PDE1A: variants seen among roughly 807,000 people sequenced by gnomAD.
PDE1A encodes dual specificity calcium/calmodulin-dependent 3',5'-cyclic nucleotide phosphodiesterase 1A.
A neutral mutation model predicts 61.7 loss-of-function variants in PDE1A; 35 were observed. The observed-to-expected ratio is 0.57, with a 90% CI of 0.43 to 0.75. The LOEUF is 0.75. Among genes scored for constraint, PDE1A ranks in the 30% least tolerant of loss-of-function variants. PDE1A has a pLI of 0.00. For synonymous variants in PDE1A, 232 were observed against 213.2 expected, an observed-to-expected ratio of 1.09 and a Z score of -0.77; for missense variants, 597 against 630.6, an observed-to-expected ratio of 0.95 and a Z score of 0.57.
intron 2 of PDE1A, among the ~76,000 whole-genome samples, chr2:182,435,145 ACAT>A (rs1197728778): frequency 2.0e-5 from 3 of 152,132 alleles, no homozygotes; most frequent in South Asian, 2.1e-4. Flanking sequence ...TTATATGAAA[ACAT>A]CATCAACAAC....
chr2:182,153,822 T>C (rs1316261124), intron 13 of PDE1A, among the ~76,000 whole-genome samples: 1 of 151,862 alleles, frequency 6.6e-6, no homozygotes, highest in Non-Finnish European at 1.5e-5. Context: ...AAAAATGGGG[T>C]GAAAATTGAG....
intron 1 of PDE1A, among the ~76,000 whole-genome samples, chr2:182,404,046 A>AT (rs35122269): frequency 5.3e-5 from 8 of 151,696 alleles, no homozygotes; most frequent in South Asian, 2.1e-4. Flanking sequence ...ATAGGAACAA[A>AT]TTTTTTTTTT....
exon 1 of PDE1A, chr2:182,522,712 T>TCAA: frequency 2.0e-6 from 2 of 1,025,126 alleles, no homozygotes; most frequent in Non-Finnish European, 2.4e-6. Context: ...CTGTTACTGT[T>TCAA]CTGTGCACTG....
intron 1 of PDE1A, among the ~76,000 whole-genome samples, chr2:182,371,172 A>G (rs543581155): frequency 3.9e-5 from 6 of 152,152 alleles, no homozygotes; most frequent in Non-Finnish European, 8.8e-5. Flanking sequence ...CTAAAAAAAG[A>G]CTACGAAAAA....
the PDE1A span, among the ~76,000 whole-genome samples, chr2:182,682,851 C>A: frequency 6.6e-6 from 1 of 152,030 alleles, no homozygotes; most frequent in African/African-American, 2.4e-5. Flanking sequence ...CAAAACACAA[C>A]CTTATCAGAT....
intron 1 of PDE1A, among the ~76,000 whole-genome samples, chr2:182,283,254 A>G (rs1034777590): frequency 6.6e-6 from 1 of 152,058 alleles, no homozygotes; most frequent in Admixed American, 6.6e-5. Flanking sequence ...ATGGTCACCT[A>G]TATGTTATGA....
the PDE1A span, among the ~76,000 whole-genome samples, chr2:182,708,204 G>C: frequency 1.3e-5 from 2 of 151,906 alleles, no homozygotes; most frequent in Non-Finnish European, 2.9e-5. Context: ...TTCCAGTTCT[G>C]CCCCTACTAG....
At chr2:182,709,473 C>T in the PDE1A span, among the ~76,000 whole-genome samples, 1 of 152,088 alleles carries the variant, frequency 6.6e-6, no homozygotes. Flanking sequence ...ATAAACAAAA[C>T]CAGATTCCTG....
At chr2:182,560,859 C>T in the PDE1A span, among the ~76,000 whole-genome samples, 1 of 152,154 alleles carries the variant, frequency 6.6e-6, no homozygotes, top group South Asian at 2.1e-4. Context: ...GCATAAATGT[C>T]TTCTGAGAAG....
chr2:182,468,690 C>T (rs923607935), intron 2 of PDE1A, among the ~76,000 whole-genome samples: 5 of 151,962 alleles, frequency 3.3e-5, no homozygotes, highest in Non-Finnish European at 7.4e-5. Flanking sequence ...ATTTACTTTG[C>T]TCAGATCCAT....
At chr2:182,523,961 A>G (rs548537408), upstream of PDE1A, among the ~76,000 whole-genome samples, 1 of 152,308 alleles carries the variant, frequency 6.6e-6, no homozygotes, top group Admixed American at 6.5e-5. Context: ...TGCAAATTAT[A>G]AGAGGGTAAA....
At chr2:182,334,260 T>A (rs1318651536) in intron 1 of PDE1A, among the ~76,000 whole-genome samples, 1 of 147,836 alleles carries the variant, frequency 6.8e-6, no homozygotes, top group African/African-American at 2.5e-5. Flanking sequence ...TACCAAACCC[T>A]GGAAGAGACA....
chr2:182,660,319 G>C, the PDE1A span, among the ~76,000 whole-genome samples: 3 of 152,182 alleles, frequency 2.0e-5, no homozygotes, highest in African/African-American at 7.2e-5. Context: ...TTCTCTGAGA[G>C]AGTGGAAGAA....
chr2:182,652,546 C>A, the PDE1A span, among the ~76,000 whole-genome samples: 1 of 152,088 alleles, frequency 6.6e-6, no homozygotes, highest in Admixed American at 6.6e-5. Flanking sequence ...GAACTATCCT[C>A]CCCAGCCACA....
the PDE1A span, among the ~76,000 whole-genome samples, chr2:182,609,087 T>C: frequency 5.3e-5 from 8 of 152,120 alleles, no homozygotes; most frequent in Non-Finnish European, 1.0e-4. Flanking sequence ...CAATCAGCAC[T>C]CTATCTAGCT....
chr2:182,196,878 A>G (rs1165139389), intron 10 of PDE1A, among the ~76,000 whole-genome samples: 1 of 151,782 alleles, frequency 6.6e-6, no homozygotes, highest in African/African-American at 2.4e-5. Flanking sequence ...TAGTAGTATA[A>G]TGACTACTCC....
chr2:182,153,330 TA>T (rs1334402354), intron 13 of PDE1A, among the ~76,000 whole-genome samples: 4 of 152,084 alleles, frequency 2.6e-5, no homozygotes, highest in African/African-American at 9.7e-5. Context: ...AGTATGCTGT[TA>T]GTGAAGGGAT....
chr2:182,335,550 A>G (rs1259341842), intron 1 of PDE1A, among the ~76,000 whole-genome samples: 1 of 152,188 alleles, frequency 6.6e-6, no homozygotes, highest in Non-Finnish European at 1.5e-5. Flanking sequence ...GGTGTTGGGA[A>G]AACTGGCTGG....
At chr2:182,491,298 C>T (rs1190595969) in intron 2 of PDE1A, among the ~76,000 whole-genome samples, 3 of 152,104 alleles carry the variant, frequency 2.0e-5, no homozygotes, top group South Asian at 2.1e-4. Context: ...TAAGATTTTT[C>T]GGGAAGTCTA....
Sources: gnomAD v4.1 joint callset for allele counts (sites outside exome capture counted in the v4.1 genomes callset) on GRCh38, gnomAD v4.1.1 for gene constraint, MANE v1.5 for transcripts, NCBI Gene and HGNC (gene_info 2026-07-23, HGNC 2026-07-21) for gene names.